CNBD1: variants seen among roughly 807,000 people sequenced by gnomAD.
CNBD1 encodes cyclic nucleotide binding domain containing 1.
A neutral mutation model predicts 54.4 loss-of-function variants in CNBD1; 71 were observed. The observed-to-expected ratio is 1.30, with a 90% CI of 1.08 to 1.59. CNBD1 has a LOEUF of 1.59. Ranked by LOEUF, CNBD1 falls within the 40% of genes most tolerant of loss-of-function variation. The probability of loss-of-function intolerance (pLI) is 0.00; values close to 1 mark genes in which losing one functional copy is unlikely to be tolerated. For missense variants in CNBD1, 659 were observed against 518.0 expected (o/e 1.27, Z -2.64); for synonymous variants, 182 against 170.7 (o/e 1.07, Z -0.51).
At chr8:87,407,794 C>G (rs1314594620) in intron 2 of CNBD1, among the ~76,000 whole-genome samples, 1 of 151,800 alleles carries the variant, frequency 6.6e-6, no homozygotes. Flanking sequence ...TTATGGATAT[C>G]CTCTTGAATA....
At chr8:87,366,458 TCG>T (rs1303412580) in intron 10 of CNBD1, among the ~76,000 whole-genome samples, 22 of 152,092 alleles carry the variant, frequency 1.4e-4, no homozygotes, top group Non-Finnish European at 2.9e-4. Context: ...ACCCTCTCTC[TCG>T]TTTTGAATCT....
At chr8:87,115,886 A>G (rs1354102146) in intron 4 of CNBD1, among the ~76,000 whole-genome samples, 3 of 152,154 alleles carry the variant, frequency 2.0e-5, no homozygotes, top group Admixed American at 2.0e-4. Context: ...CTCACTGTGC[A>G]TCGGGCCTTC....
intron 8 of CNBD1, among the ~76,000 whole-genome samples, chr8:87,297,017 T>C (rs1808888940): frequency 6.6e-6 from 1 of 151,412 alleles, no homozygotes; most frequent in South Asian, 2.1e-4. Flanking sequence ...CTACTAAAAA[T>C]ACAAACAAAA....
At chr8:87,062,788 T>C (rs1321783453) in intron 4 of CNBD1, among the ~76,000 whole-genome samples, 1 of 151,948 alleles carries the variant, frequency 6.6e-6, no homozygotes, top group African/African-American at 2.4e-5. Flanking sequence ...TTAAATTTAA[T>C]AGGATTTAAT....
At chr8:87,176,356 C>A (rs1813197041) in intron 4 of CNBD1, among the ~76,000 whole-genome samples, 1 of 152,132 alleles carries the variant, frequency 6.6e-6, no homozygotes, top group African/African-American at 2.4e-5. Flanking sequence ...CAGTAATAGG[C>A]TTAATTAAAT....
intron 4 of CNBD1, among the ~76,000 whole-genome samples, chr8:87,065,502 A>G (rs1336252942): frequency 6.6e-6 from 1 of 151,898 alleles, no homozygotes; most frequent in Non-Finnish European, 1.5e-5. Flanking sequence ...CCTCTGTGGC[A>G]TTATTTCTAG....
rs147551079 is a variant in CNBD1, at chr8:87,111,836, A to G, written c.432-94157A>G. ...TTAAGACTTTGCACTTGTTACAGTA[A>G]TTACTCCCACCTTGCTGCTGACAAT... On this transcript the variant is annotated intron_variant, in intron 4 of 10. Transcript: ENST00000518476. 3.8e-3 allele frequency among the ~76,000 whole-genome samples: 577 copies of G among 152,018 alleles called. 4 individuals carry two copies. Among genetic ancestry groups the G allele is most frequent in the African/African-American group, 0.013 (554 of 41,458 alleles).
At chr8:87,281,308 G>T (rs188326616) in intron 6 of CNBD1, among the ~76,000 whole-genome samples, 3 of 150,982 alleles carry the variant, frequency 2.0e-5, no homozygotes, top group African/African-American at 7.3e-5. Flanking sequence ...CAAGGAGGTT[G>T]GAGGAAATTT....
At chr8:87,154,387 G>A (rs140534686) in intron 4 of CNBD1, among the ~76,000 whole-genome samples, 40 of 152,310 alleles carry the variant, frequency 2.6e-4, no homozygotes, top group South Asian at 1.2e-3. Context: ...TGGTGAAGCA[G>A]AGGAGGGAAG....
At chr8:86,993,990 G>T (rs376348309) in intron 4 of CNBD1, among the ~76,000 whole-genome samples, 1 of 152,138 alleles carries the variant, frequency 6.6e-6, no homozygotes, top group African/African-American at 2.4e-5. Flanking sequence ...GGTAGAGGTC[G>T]TGGCAGGGAG....
intron 8 of CNBD1, 47 bp from the exon 9 acceptor site, chr8:87,351,634 AATTT>A: frequency 7.1e-7 from 1 of 1,410,114 alleles, no homozygotes; most frequent in Non-Finnish European, 9.3e-7. Flanking sequence ...TATCTAAAAT[AATTT>A]ATTAAAGACA....
intron 8 of CNBD1, among the ~76,000 whole-genome samples, chr8:87,310,387 C>CA (rs1010713749): frequency 6.6e-6 from 1 of 151,638 alleles, no homozygotes; most frequent in African/African-American, 2.4e-5. Context: ...AATATCCACA[C>CA]AAAAAAATAA....
At chr8:86,888,244 T>A (rs1032129592) in intron 2 of CNBD1, among the ~76,000 whole-genome samples, 2 of 152,198 alleles carry the variant, frequency 1.3e-5, no homozygotes, top group African/African-American at 4.8e-5. Flanking sequence ...CACATCCTTG[T>A]ACTTTGCAAT....
chr8:87,427,632 T>C (rs905601210), intron 2 of CNBD1, among the ~76,000 whole-genome samples: 2 of 152,216 alleles, frequency 1.3e-5, no homozygotes, highest in African/African-American at 4.8e-5. Context: ...TTAATATTTA[T>C]GTTTATATAA....
At chr8:86,884,218 T>TC (rs1808648589) in intron 1 of CNBD1, among the ~76,000 whole-genome samples, 2 of 150,754 alleles carry the variant, frequency 1.3e-5, no homozygotes, top group Admixed American at 6.6e-5. Flanking sequence ...TCCCCACCAC[T>TC]CCCCCACTGC....
intron 6 of CNBD1, among the ~76,000 whole-genome samples, chr8:87,248,018 A>G (rs1160109455): frequency 1.3e-5 from 2 of 152,198 alleles, no homozygotes; most frequent in Non-Finnish European, 2.9e-5. Context: ...ACACAAAATG[A>G]CCAATTTTCC....
At chr8:87,138,404 T>C (rs1314456869) in intron 4 of CNBD1, among the ~76,000 whole-genome samples, 2 of 152,178 alleles carry the variant, frequency 1.3e-5, no homozygotes, top group Admixed American at 1.3e-4. Flanking sequence ...GCTGAATTCC[T>C]GTCAAAGATC....
intron 4 of CNBD1, among the ~76,000 whole-genome samples, chr8:87,012,568 G>C (rs1037946857): frequency 6.6e-6 from 1 of 152,026 alleles, no homozygotes; most frequent in Non-Finnish European, 1.5e-5. Flanking sequence ...TTCCTTCCCA[G>C]ATCCAGGAAA....
intron 8 of CNBD1, among the ~76,000 whole-genome samples, chr8:87,339,559 G>A (rs980879402): frequency 2.9e-4 from 44 of 152,006 alleles, no homozygotes; most frequent in African/African-American, 1.0e-3. Context: ...TTGTTATTAA[G>A]ATGAAGTGGT....
Sources: allele counts gnomAD v4.1 joint callset (sites outside exome capture counted in the v4.1 genomes callset), GRCh38; gene constraint gnomAD v4.1.1; transcripts MANE v1.5; gene names NCBI Gene and HGNC (gene_info 2026-07-23, HGNC 2026-07-21).